PLD5: variants seen among roughly 807,000 people sequenced by gnomAD.
PLD5 encodes inactive phospholipase D5.
PLD5 carries 36 observed loss-of-function variants against 61.1 expected under a neutral mutation model. The observed-to-expected ratio is 0.59, with a 90% CI of 0.45 to 0.78. The LOEUF (loss-of-function observed/expected upper bound fraction) is 0.78, where lower values mean the gene tolerates loss of function less well. PLD5 is among the 30% of genes least tolerant of loss of function. PLD5 has a pLI of 0.00. For missense variants in PLD5, 515 were observed against 644.4 expected (o/e 0.80, Z 2.17); for synonymous variants, 243 against 242.8 (o/e 1.00, Z -0.01).
intron 5 of PLD5, among the ~76,000 whole-genome samples, chr1:242,152,214 T>C (rs1664982511): frequency 6.6e-6 from 1 of 152,050 alleles, no homozygotes; most frequent in Non-Finnish European, 1.5e-5. Context: ...GCATGGCCTC[T>C]TCCTCCATCT....
At position 242,256,294 on chromosome 1, in the gene PLD5, G is replaced by A. The variant is rs887051900; in HGVS notation, c.607+9043C>T. 1.3e-5 allele frequency among the ~76,000 whole-genome samples: 2 copies of A among 152,164 alleles called. No individual in the cohort carries two copies. The highest frequency in any genetic ancestry group is 4.8e-5 in the African/African-American group (2 of 41,426). ...AAAGTAACAGAAAGGAAACAATATG[G>A]ATAAAAAGATAGGGAAATCTAGAAA... On this transcript the variant is annotated intron_variant, in intron 4 of 9. Coordinates refer to ENST00000536534, the MANE Select transcript of PLD5 (RefSeq NM_001372062.1). This position sits in a 1 kb window ranked among gnomAD's most constrained non-coding sequence, Gnocchi z 5.7.
chr1:242,274,970 A>G (rs12096731), intron 3 of PLD5, among the ~76,000 whole-genome samples: 3,320 of 152,240 alleles, frequency 0.022, 121 homozygotes, highest in African/African-American at 0.076. Context: ...CAGGAATCCT[A>G]CACCTAGAAA....
intron 3 of PLD5, among the ~76,000 whole-genome samples, chr1:242,287,544 C>A (rs1558432116): frequency 6.6e-6 from 1 of 152,028 alleles, no homozygotes; most frequent in African/African-American, 2.4e-5. Flanking sequence ...GATTCAATAG[C>A]TTTCAAAGTA....
intron 5 of PLD5, among the ~76,000 whole-genome samples, chr1:242,200,166 G>A (rs1668894077): frequency 6.6e-6 from 1 of 152,226 alleles, no homozygotes; most frequent in Non-Finnish European, 1.5e-5. Flanking sequence ...AAGGCCGGGG[G>A]CCTCTGGAGC....
chr1:242,132,639 T>G (rs1663385386), intron 5 of PLD5, among the ~76,000 whole-genome samples: 1 of 152,046 alleles, frequency 6.6e-6, no homozygotes, highest in Non-Finnish European at 1.5e-5. Flanking sequence ...GGATAGAAAA[T>G]CAAGAATTGA....
intron 4 of PLD5, among the ~76,000 whole-genome samples, chr1:242,242,395 G>C (rs1672114332): frequency 6.6e-6 from 1 of 152,122 alleles, no homozygotes; most frequent in Non-Finnish European, 1.5e-5. Flanking sequence ...ATCATAAAAT[G>C]GCTTCACTGT....
intron 9 of PLD5, among the ~76,000 whole-genome samples, chr1:242,091,398 A>G (rs1192003523): frequency 1.3e-5 from 2 of 152,184 alleles, no homozygotes; most frequent in South Asian, 2.1e-4. Context: ...AGCTAGAGTA[A>G]TGCCATTTTC....
intron 5 of PLD5, among the ~76,000 whole-genome samples, chr1:242,196,227 G>T (rs192233848): frequency 5.3e-5 from 8 of 152,312 alleles, no homozygotes; most frequent in Admixed American, 3.9e-4. Flanking sequence ...TAACAAAACT[G>T]AAAATGTAGT....
At chr1:242,354,947 T>C (rs1189001725) in intron 1 of PLD5, among the ~76,000 whole-genome samples, 1 of 152,126 alleles carries the variant, frequency 6.6e-6, no homozygotes, top group Non-Finnish European at 1.5e-5. Flanking sequence ...AATGTGGATA[T>C]ATCCTTGCAT....
chr1:242,171,167 C>A (rs1205703273), intron 5 of PLD5, among the ~76,000 whole-genome samples: 3 of 152,202 alleles, frequency 2.0e-5, no homozygotes, highest in African/African-American at 7.2e-5. Flanking sequence ...CAAAGGGAAG[C>A]TCATCAGACT....
chr1:242,121,815 A>G (rs566158345), intron 6 of PLD5, among the ~76,000 whole-genome samples: 1 of 152,210 alleles, frequency 6.6e-6, no homozygotes, highest in African/African-American at 2.4e-5. Flanking sequence ...GCTGGAAACC[A>G]TCATTCTCAG....
chr1:242,453,926 T>G (rs1299964149), intron 1 of PLD5, among the ~76,000 whole-genome samples: 2 of 152,192 alleles, frequency 1.3e-5, no homozygotes, highest in Non-Finnish European at 2.9e-5. Flanking sequence ...ACCCACTCCT[T>G]CTCAGCCTCA....
At chr1:242,259,030 C>T (rs1673236975) in intron 4 of PLD5, among the ~76,000 whole-genome samples, 1 of 152,116 alleles carries the variant, frequency 6.6e-6, no homozygotes. Context: ...TGGCACATGA[C>T]AGATAGTCAA....
intron 5 of PLD5, among the ~76,000 whole-genome samples, chr1:242,136,586 G>C (rs1327893512): frequency 1.3e-5 from 2 of 152,028 alleles, no homozygotes; most frequent in Non-Finnish European, 1.5e-5. Context: ...TTAATTTCTA[G>C]AGCTAAACTC....
At chr1:242,278,842 C>T (rs1674557456) in intron 3 of PLD5, among the ~76,000 whole-genome samples, 1 of 152,148 alleles carries the variant, frequency 6.6e-6, no homozygotes, top group Non-Finnish European at 1.5e-5. Context: ...TGGGAGGATG[C>T]TAATTAACAA....
chr1:242,299,036 A>G (rs1290553882), intron 2 of PLD5, among the ~76,000 whole-genome samples: 4 of 152,092 alleles, frequency 2.6e-5, no homozygotes, highest in Non-Finnish European at 4.4e-5. Context: ...AAAAAAAAAA[A>G]AGTGGTTACA....
At chr1:242,252,213 G>A (rs114208405) in intron 4 of PLD5, among the ~76,000 whole-genome samples, 6 of 152,332 alleles carry the variant, frequency 3.9e-5, no homozygotes, top group Admixed American at 3.9e-4. Context: ...CATGGCCAAG[G>A]TTCATGCTGA....
intron 4 of PLD5, among the ~76,000 whole-genome samples, chr1:242,257,550 C>T (rs957955264): frequency 6.6e-6 from 1 of 152,088 alleles, no homozygotes; most frequent in Non-Finnish European, 1.5e-5. Flanking sequence ...AGCGATCTAC[C>T]GTACAACATG....
chr1:242,094,955 C>T (rs180878272), intron 9 of PLD5, among the ~76,000 whole-genome samples: 1 of 151,712 alleles, frequency 6.6e-6, no homozygotes, highest in Non-Finnish European at 1.5e-5. Flanking sequence ...TTTATTTTAT[C>T]AAGAACAGAG....
Sources: allele counts gnomAD v4.1 joint callset (sites outside exome capture counted in the v4.1 genomes callset), GRCh38; gene constraint gnomAD v4.1.1; non-coding constraint Gnocchi (gnomAD v3.1); transcripts MANE v1.5; gene names NCBI Gene and HGNC (gene_info 2026-07-23, HGNC 2026-07-21).